Variants in CYB561D2 observed in about 807,000 individuals in gnomAD.
The protein encoded by CYB561D2 is cytochrome b561 family member D2, also known as transmembrane reductase CYB561D2.
CYB561D2 carries 16 observed loss-of-function variants against 20.2 expected under a neutral mutation model. That is an observed-to-expected ratio of 0.79 (90% CI 0.53 to 1.20). The LOEUF is 1.20. Among genes scored for constraint, CYB561D2 ranks in the 50% most tolerant of loss-of-function variants. The probability of loss-of-function intolerance (pLI) is 0.00; values close to 1 mark genes in which losing one functional copy is unlikely to be tolerated. For synonymous variants in CYB561D2, 135 were observed against 128.3 expected (o/e 1.05, Z -0.35); for missense variants, 247 against 270.3 (o/e 0.91, Z 0.60).
Position 50,353,570 on chromosome 3 carries a change from G to A in CYB561D2, c.495G>A (p.Val165=), listed in dbSNP as rs1703821460. The stretch of plus-strand genomic sequence containing the variant: ...TATACCATGCTACTTCTGGGCTGGT[G>A]GGCTACCTGCTGGGTAGTGCCAGCC... ...LKLYHATSGL[V]GYLLGSASLL... The change falls in exon 4 of 4, where the codon GTG becomes GTA. Residue 165 remains valine, a synonymous_variant. Coordinates refer to ENST00000425346, the MANE Select transcript of CYB561D2 (RefSeq NM_001291284.2). 1 of 1,613,656 alleles carries A rather than the reference G, an allele frequency of 6.2e-7. No homozygotes were observed. Among genetic ancestry groups the A allele is most frequent in the African/African-American group, 1.3e-5 (1 of 74,940 alleles).
At chr3:50,351,851 G>A (rs185884599) in intron 2 of CYB561D2, among the ~76,000 whole-genome samples, 158 bp from the exon 3 acceptor site, 1 of 152,334 alleles carries the variant, frequency 6.6e-6, no homozygotes, top group East Asian at 1.9e-4. Context: ...AGGAAGAGAG[G>A]ATAGGTGTGG....
At chr3:50,351,256 CA>C (rs1164741030) in intron 1 of CYB561D2, 152 bp from the exon 2 acceptor site, 18 of 825,196 alleles carry the variant, frequency 2.2e-5, no homozygotes, top group Non-Finnish European at 3.2e-5. Flanking sequence ...CGTCGACTGG[CA>C]TGTTGTGACC....
At position 50,352,085 on chromosome 3, in the gene CYB561D2, A is replaced by G. The variant is rs1050549182; in HGVS notation, c.165+39A>G. On this transcript the variant is annotated intron_variant, in intron 3 of 3. Coordinates refer to ENST00000425346, the MANE Select transcript of CYB561D2 (RefSeq NM_001291284.2). The stretch of plus-strand genomic sequence containing the variant: ...CTGGGCAGTTCTTAGGGGTGGGAGC[A>G]TGGGCATGGTTGGTGGCCCTGGCAG... 1.9e-6 allele frequency: 3 copies of G among 1,611,838 alleles called. No homozygotes were observed. In the African/African-American group the frequency reaches 4.0e-5, roughly 22 times the overall value.
rs372588953 is a variant in CYB561D2 at position 50,353,533 on chromosome 3, C to T, written c.458C>T (p.Ala153Val). The change falls in exon 4 of 4, where the codon GCG (alanine) becomes GTG (valine). Residue 153 changes from alanine (A) to valine (V), a missense_variant. By Grantham distance (64) the Ala-to-Val change is moderately conservative. Coordinates refer to ENST00000425346, the MANE Select transcript of CYB561D2 (RefSeq NM_001291284.2). ...YPKLLPRWPL[A>V]KLKLYHATSG... ...AAGCTGCTGCCCCGATGGCCCCTGG[C>T]GAAGCTCAAGCTATACCATGCTACT... 3.3e-5 allele frequency: 54 copies of T among 1,613,682 alleles called. No homozygotes were observed. The highest frequency in any genetic ancestry group is 1.8e-4 in the Admixed American group (11 of 60,036).
chr3:50,353,444 A>C lies in CYB561D2; in HGVS notation c.369A>C (p.Ala123=), dbSNP rs1553723168. ...KAHLVTRHGQ[A]GLLAVLWAGL... ...ACCTGGTTACGCGGCATGGGCAGGC[A>C]GGGCTGCTGGCTGTGCTGTGGGCAG... is the stretch of plus-strand genomic sequence containing the variant. Residue 123 remains alanine, a synonymous_variant, in exon 4 of 4, where the codon GCA becomes GCC. Transcript: ENST00000425346. 1 of 1,613,202 alleles carries C rather than the reference A, an allele frequency of 6.2e-7. No individual in the cohort carries two copies. The highest frequency in any genetic ancestry group is 2.2e-5 in the East Asian group (1 of 44,882).
intron 3 of CYB561D2, 114 bp downstream of exon 3, chr3:50,352,160 T>G: frequency 4.1e-6 from 5 of 1,207,470 alleles, no homozygotes; most frequent in Non-Finnish European, 4.8e-6. Context: ...AGTTGCATGC[T>G]CCAACTACTC....
chr3:50,353,405 G>A lies in CYB561D2; in HGVS notation c.330G>A (p.Gln110=). 5.6e-6 allele frequency: 9 copies of A among 1,613,468 alleles called. No homozygotes were observed. The highest frequency in any genetic ancestry group is 7.6e-6 in the Non-Finnish European group (9 of 1,180,024). The change falls in exon 4 of 4, where the codon CAG becomes CAA. Residue 110 remains glutamine (Q), a synonymous_variant. Coordinates refer to ENST00000425346, the MANE Select transcript of CYB561D2 (RefSeq NM_001291284.2). ...GLGLVILHKE[Q]LGKAHLVTRH... is the part of the protein sequence containing the mutation. ...GCCTTGTCATCCTCCACAAAGAGCAGCTTGGCAAAGCCCACCTGGTTACGC... is the reference window on the plus strand; with the variant it reads ...GCCTTGTCATCCTCCACAAAGAGCAACTTGGCAAAGCCCACCTGGTTACGC...
In CYB561D2 at chr3:50,353,918, C is replaced by T; in HGVS notation, c.*174C>T. 1 of 694,116 alleles carries T rather than the reference C, an allele frequency of 1.4e-6. No homozygotes were observed. Among genetic ancestry groups the T allele is most frequent in the South Asian group, 2.0e-5 (1 of 49,130 alleles). 43.0% of individuals were successfully genotyped at this position (694,116 alleles called of 1,614,324 possible). ...CTCATGCTGGAGTGCCTCCCATTTC[C>T]TTCCCCTTTCTCTGTCATCCCAGAG... is the stretch of plus-strand genomic sequence containing the variant. On this transcript the variant is annotated 3_prime_UTR_variant, in exon 4 of 4. Transcript: ENST00000425346.
intron 3 of CYB561D2, among the ~76,000 whole-genome samples, chr3:50,352,786 C>A (rs1015926223): frequency 6.6e-6 from 1 of 152,050 alleles, no homozygotes; most frequent in Non-Finnish European, 1.5e-5. Flanking sequence ...GAGGCTTCAC[C>A]CACCTCTAGG....
At position 50,351,459 on chromosome 3, in the gene CYB561D2, C is replaced by G. The variant is rs748955724; in HGVS notation, c.26C>G (p.Ser9Ter). The change falls in exon 2 of 4, where the codon TCA (serine) becomes TGA (stop). Residue 9 changes from serine to a stop codon, truncating the protein, a stop_gained. Coordinates refer to ENST00000425346, the MANE Select transcript of CYB561D2 (RefSeq NM_001291284.2). LOFTEE classifies it high-confidence loss of function. The part of the protein sequence containing the change: MALSAETE[S>*]HIYRALRTAS... The stretch of plus-strand genomic sequence containing the variant: ...ATGGCCCTTTCTGCGGAGACCGAGT[C>G]ACACATCTACCGAGCTCTGCGTACT... 6.2e-7 allele frequency: 1 copy of G among 1,613,710 alleles called. No homozygotes were observed. The highest frequency in any genetic ancestry group is 8.5e-7 in the Non-Finnish European group (1 of 1,179,948).
chr3:50,352,109 A>C, intron 3 of CYB561D2, 63 bp downstream of exon 3: 1 of 1,569,842 alleles, frequency 6.4e-7, no homozygotes, highest in Non-Finnish European at 8.8e-7. Flanking sequence ...TGGCCCTGGC[A>C]GCCTCTGAAT....
At position 50,353,974 on chromosome 3, in the gene CYB561D2, T is replaced by C; in HGVS notation, c.*230T>C. On this transcript the variant is annotated 3_prime_UTR_variant, in exon 4 of 4. Coordinates refer to ENST00000425346, the MANE Select transcript of CYB561D2 (RefSeq NM_001291284.2). ...TAGGCATCATGTGTCTGGATGAAGC[T>C]GGGGCTGCAAGACTGCCTCTCCTGC... 1.9e-6 allele frequency: 1 copy of C among 540,118 alleles called. No individual in the cohort carries two copies. Among genetic ancestry groups the C allele is most frequent in the Non-Finnish European group, 3.3e-6 (1 of 306,368 alleles). 33.5% of individuals were successfully genotyped at this position (540,118 alleles called of 1,614,324 possible). A position where few individuals can be genotyped will look rare whatever the true frequency, so the allele number is the denominator to read the frequency against.
rs771871967 is a variant in CYB561D2 at position 50,353,618 on chromosome 3, C to T, written c.543C>T (p.Leu181=). ...GCCTCTTGCTGGGCATGTGCTCACT[C>T]TGGTTCACTGCCTCTGTCACTGGTG... ...SASLLLGMCS[L]WFTASVTGAA... is the part of the protein sequence containing the mutation. Residue 181 remains leucine, a synonymous_variant, in exon 4 of 4, where the codon CTC becomes CTT. Transcript: ENST00000425346. The T allele has an allele frequency of 2.5e-6, 4 of 1,613,760 alleles. No individual in the cohort carries two copies. The African/African-American group carries it at 4.0e-5, about 16-fold the overall frequency.
Position 50,353,349 on chromosome 3 carries a change from C to G in CYB561D2, c.274C>G (p.Leu92Val). ...ACGCTGCCACTGGGTGCTGCAGCTG[C>G]TGGCCCTGCTGTGTGCACTGCTGGG... is the stretch of plus-strand genomic sequence containing the variant. ...RARCHWVLQL[L>V]ALLCALLGLG... The change falls in exon 4 of 4, where the codon CTG becomes GTG. Residue 92 changes from leucine to valine, a missense_variant. By Grantham distance (32) the Leu-to-Val change is conservative. Transcript: ENST00000425346. 1 of 1,613,168 alleles carries G rather than the reference C, an allele frequency of 6.2e-7. No individual in the cohort carries two copies. The highest frequency in any genetic ancestry group is 8.5e-7 in the Non-Finnish European group (1 of 1,179,704).
chr3:50,353,141 A>G, intron 3 of CYB561D2, 100 bp from the exon 4 acceptor site: 1 of 1,467,972 alleles, frequency 6.8e-7, no homozygotes, highest in Non-Finnish European at 9.1e-7. Context: ...AAAAAGGGGA[A>G]TCAGCCCAGA....
At chr3:50,352,486 CA>C (rs61695988) in intron 3 of CYB561D2, among the ~76,000 whole-genome samples, 274 of 80,110 alleles carry the variant, frequency 3.4e-3, no homozygotes, top group Middle Eastern at 0.017. Context: ...GGCTCTGTCC[CA>C]AAAAAAAAAA....
In CYB561D2 at chr3:50,353,514, C is replaced by T; in HGVS notation, c.439C>T (p.Leu147=). ...GGVGLLYPKL[L]PRWPLAKLKL... The stretch of plus-strand genomic sequence containing the variant: ...GGTGGGGCTGCTCTACCCCAAGCTG[C>T]TGCCCCGATGGCCCCTGGCGAAGCT... The change falls in exon 4 of 4, where the codon CTG becomes TTG. Residue 147 remains leucine, a synonymous_variant. Transcript: ENST00000425346. The T allele has an allele frequency of 6.2e-7, 1 of 1,613,626 alleles. No homozygotes were observed. Among genetic ancestry groups the T allele is most frequent in the South Asian group, 1.1e-5 (1 of 91,088 alleles).
At position 50,350,912 on chromosome 3, in the gene CYB561D2, G is replaced by T; in HGVS notation, c.-98G>T. 1 of 1,394,558 alleles carries T rather than the reference G, an allele frequency of 7.2e-7. No individual in the cohort carries two copies. Among genetic ancestry groups the T allele is most frequent in the Non-Finnish European group, 9.3e-7 (1 of 1,079,158 alleles). The allele number at this position is 1,394,558 out of a possible 1,614,324, so 86.4% of individuals were successfully genotyped here. On this transcript the variant is annotated 5_prime_UTR_variant, in exon 1 of 4. Transcript: ENST00000425346. This position sits in a 1 kb window ranked among gnomAD's most constrained non-coding sequence, Gnocchi z 5.7. ...GCTCCGTGACGGAGCGGCGGTGCGC[G>T]CGGCAGGGCCCGGAGTATCCCGCTT... is the stretch of plus-strand genomic sequence containing the variant.
At chr3:50,351,289 A>G (rs1703752305) in intron 1 of CYB561D2, 120 bp from the exon 2 acceptor site, 1 of 1,125,902 alleles carries the variant, frequency 8.9e-7, no homozygotes, top group Non-Finnish European at 1.2e-6. Context: ...TGGTCTTGGT[A>G]CTGTTCTTTC....
Sources: allele counts gnomAD v4.1 joint callset (sites outside exome capture counted in the v4.1 genomes callset), GRCh38; gene constraint gnomAD v4.1.1; non-coding constraint Gnocchi (gnomAD v3.1); transcripts MANE v1.5; gene names NCBI Gene and HGNC (gene_info 2026-07-23, HGNC 2026-07-21).